COL16A1: variants seen among roughly 807,000 people sequenced by gnomAD.
COL16A1 encodes collagen alpha-1(XVI) chain.
In COL16A1, 189 loss-of-function variants were observed where a neutral mutation model predicts 266.3. The ratio of observed to expected loss-of-function variants is 0.71; its 90% CI spans 0.63 to 0.80. The LOEUF is 0.80. Ranked by LOEUF, COL16A1 falls within the 30% of genes least tolerant of loss-of-function variation. COL16A1 has a pLI of 0.00. For missense variants in COL16A1, 1,928 were observed against 2,122.4 expected, an observed-to-expected ratio of 0.91 and a Z score of 1.80; for synonymous variants, 740 against 782.3, an observed-to-expected ratio of 0.95 and a Z score of 0.90.
At chr1:31,671,539 GGCC>G (rs1642703867) in intron 48 of COL16A1, 73 bp downstream of exon 48, 2 of 1,588,920 alleles carry the variant, frequency 1.3e-6, no homozygotes, top group Non-Finnish European at 1.7e-6. Flanking sequence ...TTGGGGACAA[GGCC>G]GCGGGATGGT....
rs199847328 is a variant in COL16A1, at chr1:31,685,689, C to T, written c.1966G>A (p.Gly656Arg). The T allele has an allele frequency of 1.3e-4, 205 of 1,614,016 alleles. 1 individual carries two copies. The South Asian group carries it at 2.1e-3, about 16-fold the overall frequency. ...GGAGGCCCAGGTTCCCCCTTCTCTC[C>T]GGATGGGCCAGGCAAGGCCACCACA... is the stretch of plus-strand genomic sequence containing the variant. ...VRVVALPGPS[G>R]EKGEPGPPGF... Residue 656 changes from glycine to arginine, a missense_variant, in exon 29 of 71, where the codon GGA becomes AGA. Transcript: ENST00000373672. The surrounding 1 kb of genome is among the most constrained non-coding windows in gnomAD (Gnocchi z 4.0).
In COL16A1 at chr1:31,696,130, C is replaced by T. The variant is rs771876029; in HGVS notation, c.876G>A (p.Gln292=). 1.2e-6 allele frequency: 2 copies of T among 1,613,596 alleles called. No homozygotes were observed. The highest frequency in any genetic ancestry group is 4.5e-5 in the East Asian group (2 of 44,850). ...CCTTCTGGCTGATTCTTCCCGTCAGCTGGGCATCCACCTGGGCAGACAGAG... is the reference window on the plus strand; with the variant it reads ...CCTTCTGGCTGATTCTTCCCGTCAGTTGGGCATCCACCTGGGCAGACAGAG... ...EEPQNSEVDA[Q]LTGRISQKAE... is the part of the protein sequence containing the mutation. The change falls in exon 9 of 71, where the codon CAG becomes CAA. Residue 292 remains glutamine, a synonymous_variant. Coordinates refer to ENST00000373672, the MANE Select transcript of COL16A1 (RefSeq NM_001856.4).
intron 44 of COL16A1, 80 bp from the exon 45 acceptor site, chr1:31,672,920 C>T (rs1161429652): frequency 6.6e-6 from 9 of 1,360,858 alleles, no homozygotes; most frequent in African/African-American, 1.4e-5. Flanking sequence ...CCAGTGAGAA[C>T]CCAGAGCCAG....
At chr1:31,662,232 G>A (rs996020292) in intron 58 of COL16A1, 102 bp downstream of exon 58, 8 of 1,548,026 alleles carry the variant, frequency 5.2e-6, no homozygotes, top group Non-Finnish European at 6.1e-6. Flanking sequence ...CCCTGACAAA[G>A]ACGGGGATAC....
At position 31,698,340 on chromosome 1, in the gene COL16A1, G is replaced by A; in HGVS notation, c.390+143C>T. ...TATACATCCTGAAAGAATGAGGTAG[G>A]TACTGGTGGGCTGGGGACAGGCTTG... On this transcript the variant is annotated intron_variant, in intron 5 of 70. Transcript: ENST00000373672. This position sits in a 1 kb window ranked among gnomAD's most constrained non-coding sequence, Gnocchi z 4.1. The A allele has an allele frequency of 6.6e-7, 1 of 1,525,290 alleles. No homozygotes were observed. The highest frequency in any genetic ancestry group is 8.8e-7 in the Non-Finnish European group (1 of 1,129,992). The allele number at this position is 1,525,290 out of a possible 1,614,324, so 94.5% of individuals were successfully genotyped here. A position where few individuals can be genotyped will look rare whatever the true frequency, so the allele number is the denominator to read the frequency against.
At chr1:31,679,896 C>T in intron 40 of COL16A1, 45 bp from the exon 41 acceptor site, 1 of 1,509,884 alleles carries the variant, frequency 6.6e-7, no homozygotes. Context: ...AGGTTATAGG[C>T]AACGTCTACA....
At position 31,679,868 on chromosome 1, in the gene COL16A1, G is replaced by A. The variant is rs781643103; in HGVS notation, c.2671-17C>T. 3.3e-6 allele frequency: 5 copies of A among 1,505,160 alleles called. No individual in the cohort carries two copies. The highest frequency in any genetic ancestry group is 1.4e-5 in the African/African-American group (1 of 71,486). 93.2% of individuals were successfully genotyped at this position (1,505,160 alleles called of 1,614,324 possible). On this transcript the variant is annotated splice_polypyrimidine_tract_variant and intron_variant, in intron 40 of 70. Coordinates refer to ENST00000373672, the MANE Select transcript of COL16A1 (RefSeq NM_001856.4). ...CGGAGCACCCTGGGTGGGAGTGGGG[G>A]TCGCAAAAGAAGGGGAGAGGTTATA...
Position 31,655,366 on chromosome 1 carries a change from C to T in COL16A1, c.4238G>A (p.Gly1413Glu). Reference sequence around the variant, plus strand: ...AGGGCTCCCCGAAGGCCCCGGAGCTCCAGGGTGGCCTCTCTCTCCTGCAGG... The same window carrying T: ...AGGGCTCCCCGAAGGCCCCGGAGCTTCAGGGTGGCCTCTCTCTCCTGCAGG... ...PGPAGERGHPGAPGPSGSPGL... is the reference protein window; with the variant it reads ...PGPAGERGHPEAPGPSGSPGL... The change falls in exon 67 of 71, where the codon GGA becomes GAA. Residue 1413 changes from glycine to glutamate, a missense_variant. By Grantham distance (98) the Gly-to-Glu change is moderately conservative. This residue lies in a region of COL16A1 where 376 missense variants were observed against 485.2 expected (regional missense o/e 0.77). Transcript: ENST00000373672. 6.2e-7 allele frequency: 1 copy of T among 1,614,014 alleles called. No individual in the cohort carries two copies. The highest frequency in any genetic ancestry group is 8.5e-7 in the Non-Finnish European group (1 of 1,179,980).
chr1:31,668,097 T>C lies in COL16A1; in HGVS notation c.3303+68A>G. On this transcript the variant is annotated intron_variant, in intron 51 of 70. Coordinates refer to ENST00000373672, the MANE Select transcript of COL16A1 (RefSeq NM_001856.4). This position sits in a 1 kb window ranked among gnomAD's most constrained non-coding sequence, Gnocchi z 5.8. Reference sequence around the variant, plus strand: ...CGCCGAGGGTTGCCCAGCCTGGCTGTGTCCTGACCACCAGCCCAAACCTCT... The same window carrying C: ...CGCCGAGGGTTGCCCAGCCTGGCTGCGTCCTGACCACCAGCCCAAACCTCT... 7.1e-7 allele frequency: 1 copy of C among 1,415,854 alleles called. No individual in the cohort carries two copies. Among genetic ancestry groups the C allele is most frequent in the Non-Finnish European group, 9.8e-7 (1 of 1,020,828 alleles). The allele number at this position is 1,415,854 out of a possible 1,614,324, so 87.7% of individuals were successfully genotyped here. A position where few individuals can be genotyped will look rare whatever the true frequency, so the allele number is the denominator to read the frequency against.
intron 35 of COL16A1, 24 bp from the exon 36 acceptor site, chr1:31,683,271 TA>T: frequency 6.2e-7 from 1 of 1,614,134 alleles, no homozygotes; most frequent in Non-Finnish European, 8.5e-7. Context: ...CACAGTTAGT[TA>T]ACCCATATCC....
chr1:31,691,923 G>T, intron 17 of COL16A1, 82 bp downstream of exon 17: 5 of 1,598,470 alleles, frequency 3.1e-6, no homozygotes, highest in Non-Finnish European at 4.3e-6. Context: ...AAGGGGAGGG[G>T]GCTGGATTCC....
rs1644093168 is a variant in COL16A1, at chr1:31,688,371, CTT to C, written c.1803+94_1803+95del. On this transcript the variant is annotated intron_variant, in intron 26 of 70. Transcript: ENST00000373672. This position sits in a 1 kb window ranked among gnomAD's most constrained non-coding sequence, Gnocchi z 4.9. ...CACTGTGAATTTACCGTCTGAATCT[CTT>C]GTTTATATTACCCTTATTCCCCGCC... 8.9e-6 allele frequency: 12 copies of C among 1,347,454 alleles called. No individual in the cohort carries two copies. The highest frequency in any genetic ancestry group is 7.0e-5 in the Admixed American group (4 of 57,408). The allele number at this position is 1,347,454 out of a possible 1,614,324, so 83.5% of individuals were successfully genotyped here.
intron 17 of COL16A1, 43 bp from the exon 18 acceptor site, chr1:31,691,685 C>A: frequency 1.3e-6 from 2 of 1,592,580 alleles, no homozygotes; most frequent in Non-Finnish European, 1.7e-6. Context: ...AGCCCTGAGG[C>A]CTGGCACCGC....
chr1:31,653,666 A>T lies in COL16A1; in HGVS notation c.4545T>A (p.Gly1515=). The T allele has an allele frequency of 6.2e-7, 1 of 1,613,486 alleles. No homozygotes were observed. The highest frequency in any genetic ancestry group is 8.5e-7 in the Non-Finnish European group (1 of 1,179,670). ...CAATGTCCCCTTTTTCACCTTTGGT[A>T]CCAGGCAATCCTGGAACAAAAGAAA... ...QGLPGVRGLP[G]TKGEKGDIGI... The change falls in exon 70 of 71, where the codon GGT becomes GGA. Residue 1515 remains glycine (G), a synonymous_variant. Transcript: ENST00000373672.
At chr1:31,687,448 A>C (rs1257492496) in intron 26 of COL16A1, among the ~76,000 whole-genome samples, 1 of 150,896 alleles carries the variant, frequency 6.6e-6, no homozygotes, top group Non-Finnish European at 1.5e-5. Flanking sequence ...AAAAACTACC[A>C]GGTGAAAACC....
rs902949973 is a variant in COL16A1 at position 31,688,257 on chromosome 1, G to C, written c.1803+210C>G. ...TTAATAGTTTTAGAATATCATCACAGCTACACTAAGGAATTCTCTTACAGA... is the reference window on the plus strand; with the variant it reads ...TTAATAGTTTTAGAATATCATCACACCTACACTAAGGAATTCTCTTACAGA... On this transcript the variant is annotated intron_variant, in intron 26 of 70. Transcript: ENST00000373672. The surrounding 1 kb of genome is among the most constrained non-coding windows in gnomAD (Gnocchi z 4.9). 2.0e-5 allele frequency among the ~76,000 whole-genome samples: 3 copies of C among 152,146 alleles called. No individual in the cohort carries two copies. The highest frequency in any genetic ancestry group is 2.9e-5 in the Non-Finnish European group (2 of 68,028).
Position 31,670,748 on chromosome 1 carries a change from A to G in COL16A1, c.3151-102T>C, listed in dbSNP as rs1051394045. 42 of 961,098 alleles carry G rather than the reference A, an allele frequency of 4.4e-5. No individual in the cohort carries two copies. The highest frequency in any genetic ancestry group is 1.4e-5 in the Non-Finnish European group (10 of 702,866). 59.5% of individuals were successfully genotyped at this position (961,098 alleles called of 1,614,324 possible). A position where few individuals can be genotyped will look rare whatever the true frequency, so the allele number is the denominator to read the frequency against. On this transcript the variant is annotated intron_variant, in intron 48 of 70. Transcript: ENST00000373672. This position sits in a 1 kb window ranked among gnomAD's most constrained non-coding sequence, Gnocchi z 4.5. The stretch of plus-strand genomic sequence containing the variant: ...TTGGGGGTCATGGGGAGAGGAGGTC[A>G]TGGGAGTATTTTCAAGGCAGCTGGA...
chr1:31,689,916 C>G (rs1448134902), intron 22 of COL16A1, 65 bp from the exon 23 acceptor site: 1 of 1,429,254 alleles, frequency 7.0e-7, no homozygotes, highest in East Asian at 2.3e-5. Context: ...GGCAAGGGGC[C>G]TCTTGCGCAG....
chr1:31,691,024 C>T (rs1644237870), intron 20 of COL16A1, among the ~76,000 whole-genome samples, 164 bp downstream of exon 20: 1 of 152,172 alleles, frequency 6.6e-6, no homozygotes, highest in Non-Finnish European at 1.5e-5. Context: ...GGACAGGACG[C>T]TCCCCGCCAA....
Sources: gnomAD v4.1 joint callset for allele counts (sites outside exome capture counted in the v4.1 genomes callset) on GRCh38, gnomAD v4.1.1 for gene constraint, gnomAD v4.1.1 regional missense constraint, Gnocchi (gnomAD v3.1) non-coding constraint, MANE v1.5 for transcripts, NCBI Gene and HGNC (gene_info 2026-07-23, HGNC 2026-07-21) for gene names.